Variants in SORCS3 observed in about 807,000 individuals in gnomAD.
The protein encoded by SORCS3 is VPS10 domain-containing receptor SorCS3.
A neutral mutation model predicts 146.3 loss-of-function variants in SORCS3; 57 were observed. That is an observed-to-expected ratio of 0.39 (90% CI 0.31 to 0.49). The LOEUF is 0.49. Among genes scored for constraint, SORCS3 ranks in the 20% least tolerant of loss-of-function variants. The pLI, the probability that SORCS3 is intolerant of heterozygous loss-of-function variation, is 0.92. For synonymous variants in SORCS3, 653 were observed against 618.5 expected (o/e 1.06, Z -0.83); for missense variants, 1,341 against 1,575.5 (o/e 0.85, Z 2.52).
At chr10:104,685,910 C>A (rs1158057464) in intron 1 of SORCS3, among the ~76,000 whole-genome samples, 1 of 152,172 alleles carries the variant, frequency 6.6e-6, no homozygotes, top group Non-Finnish European at 1.5e-5. Flanking sequence ...TAAGTTTTTG[C>A]TTCTATTCTG....
chr10:104,669,462 A>T (rs2015824817), intron 1 of SORCS3, among the ~76,000 whole-genome samples: 2 of 152,112 alleles, frequency 1.3e-5, no homozygotes, highest in Non-Finnish European at 2.9e-5. Context: ...GATGTTGATT[A>T]CTCTAGCTAC....
At chr10:105,073,589 T>C (rs773069817) in intron 5 of SORCS3, among the ~76,000 whole-genome samples, 2 of 152,104 alleles carry the variant, frequency 1.3e-5, no homozygotes, top group Admixed American at 6.5e-5. Flanking sequence ...GAGCACAGAA[T>C]GTTAGGCAGC....
At chr10:105,207,272 T>TTTATTATCATTATTA (rs1554886617) in intron 16 of SORCS3, among the ~76,000 whole-genome samples, 33 of 147,176 alleles carry the variant, frequency 2.2e-4, no homozygotes, top group Non-Finnish European at 3.9e-4. Flanking sequence ...CATGCAGAGG[T>TTTATTATCATTATTA]TTATTATTAT....
chr10:104,675,063 C>T (rs181151853), intron 1 of SORCS3, among the ~76,000 whole-genome samples: 150 of 152,240 alleles, frequency 9.9e-4, no homozygotes, highest in Middle Eastern at 6.8e-3. Flanking sequence ...GTGGTTGTAC[C>T]GATTCTACTC....
intron 6 of SORCS3, among the ~76,000 whole-genome samples, chr10:105,098,307 G>C (rs1173022004): frequency 6.6e-6 from 1 of 152,156 alleles, no homozygotes; most frequent in Non-Finnish European, 1.5e-5. Context: ...TATGGATTGA[G>C]ATATAGGATT....
intron 2 of SORCS3, among the ~76,000 whole-genome samples, chr10:104,887,971 G>GGTGC (rs145157471): frequency 0.039 from 3,194 of 82,852 alleles, 426 homozygotes; most frequent in African/African-American, 0.14. Context: ...GGGGGGCGGG[G>GGTGC]GCGGAGCAAG....
intron 14 of SORCS3, among the ~76,000 whole-genome samples, chr10:105,199,199 G>A (rs1279913305): frequency 1.3e-5 from 2 of 151,712 alleles, no homozygotes; most frequent in African/African-American, 2.4e-5. Context: ...TGCAAGACAC[G>A]CCACCCGAGT....
intron 5 of SORCS3, among the ~76,000 whole-genome samples, chr10:105,060,105 G>A (rs758899063): frequency 6.6e-6 from 1 of 152,172 alleles, no homozygotes; most frequent in African/African-American, 2.4e-5. Context: ...GGTGTCAGAG[G>A]AGTGGCATCA....
At chr10:104,999,687 GT>G (rs1351425326) in intron 4 of SORCS3, among the ~76,000 whole-genome samples, 1 of 152,148 alleles carries the variant, frequency 6.6e-6, no homozygotes, top group Non-Finnish European at 1.5e-5. Flanking sequence ...AGGCAGAAGG[GT>G]TTATTCCCCA....
intron 21 of SORCS3, among the ~76,000 whole-genome samples, chr10:105,245,969 T>C (rs1297345861): frequency 1.3e-5 from 2 of 152,104 alleles, no homozygotes; most frequent in Non-Finnish European, 2.9e-5. Context: ...CTACAACATA[T>C]ATGCAGGACA....
At chr10:104,954,523 C>T (rs1445261692) in intron 3 of SORCS3, among the ~76,000 whole-genome samples, 1 of 152,140 alleles carries the variant, frequency 6.6e-6, no homozygotes, top group African/African-American at 2.4e-5. Flanking sequence ...GGGGCCTCTG[C>T]TTGTTAATTA....
chr10:104,902,780 C>G (rs909603758), intron 2 of SORCS3, among the ~76,000 whole-genome samples: 1 of 152,162 alleles, frequency 6.6e-6, no homozygotes, highest in Admixed American at 6.6e-5. Flanking sequence ...CCTAATAACA[C>G]TGCTTGATGG....
intron 2 of SORCS3, among the ~76,000 whole-genome samples, chr10:104,858,433 A>G (rs2018358694): frequency 6.6e-6 from 1 of 152,208 alleles, no homozygotes; most frequent in Non-Finnish European, 1.5e-5. Flanking sequence ...AATTTACTCA[A>G]GTATTCATCT....
intron 7 of SORCS3, among the ~76,000 whole-genome samples, chr10:105,129,580 C>T (rs1483700695): frequency 6.6e-6 from 1 of 151,804 alleles, no homozygotes; most frequent in Admixed American, 6.6e-5. Flanking sequence ...GAATTTTGGA[C>T]ACTAGGATGA....
At chr10:105,037,439 G>A (rs1010874831) in intron 4 of SORCS3, among the ~76,000 whole-genome samples, 5 of 152,134 alleles carry the variant, frequency 3.3e-5, no homozygotes, top group Non-Finnish European at 5.9e-5. Context: ...GTTGGCAGGT[G>A]GGGGCTATGC....
chr10:104,884,969 T>C (rs1379410713), intron 2 of SORCS3, among the ~76,000 whole-genome samples: 1 of 152,184 alleles, frequency 6.6e-6, no homozygotes, highest in Non-Finnish European at 1.5e-5. Context: ...TCACACTATT[T>C]ATTCTGCTTC....
At chr10:105,034,991 C>T (rs1417463458) in intron 4 of SORCS3, among the ~76,000 whole-genome samples, 10 of 152,192 alleles carry the variant, frequency 6.6e-5, no homozygotes, top group Non-Finnish European at 1.3e-4. Flanking sequence ...ACACTTGAGA[C>T]AATTAAATGA....
intron 1 of SORCS3, among the ~76,000 whole-genome samples, chr10:104,667,016 G>A (rs536916591): frequency 6.6e-6 from 1 of 152,188 alleles, no homozygotes; most frequent in African/African-American, 2.4e-5. Flanking sequence ...AGAGAGGAGA[G>A]AGAAGAGAGA....
At chr10:104,803,893 TG>T (rs2017652667) in intron 1 of SORCS3, among the ~76,000 whole-genome samples, 1 of 152,166 alleles carries the variant, frequency 6.6e-6, no homozygotes, top group Non-Finnish European at 1.5e-5. Flanking sequence ...AATTTACTGC[TG>T]TCACAGGGAT....
Sources: allele counts gnomAD v4.1 joint callset (sites outside exome capture counted in the v4.1 genomes callset), GRCh38; gene constraint gnomAD v4.1.1; transcripts MANE v1.5; gene names NCBI Gene and HGNC (gene_info 2026-07-23, HGNC 2026-07-21).